PCDHGA1: variants seen among roughly 807,000 people sequenced by gnomAD.
PCDHGA1 encodes protocadherin gamma subfamily A, 1.
Under a neutral mutation model 58.0 loss-of-function variants are expected in PCDHGA1, and 32 were observed. The observed-to-expected ratio is 0.55, with a 90% CI of 0.42 to 0.74. The LOEUF (loss-of-function observed/expected upper bound fraction) is 0.74. PCDHGA1 is among the 30% of genes least tolerant of loss of function. The pLI is 0.00. For synonymous variants in PCDHGA1, 498 were observed against 501.1 expected, an observed-to-expected ratio of 0.99 and a Z score of 0.08; for missense variants, 1,205 against 1,182.3, an observed-to-expected ratio of 1.02 and a Z score of -0.28.
intron 1 of PCDHGA1, among the ~76,000 whole-genome samples, chr5:141,474,062 C>G (rs745636246): frequency 6.6e-6 from 1 of 152,104 alleles, no homozygotes; most frequent in Non-Finnish European, 1.5e-5. Flanking sequence ...AGAGCGAGAT[C>G]CTGCCTCAGA....
intron 2 of PCDHGA1, among the ~76,000 whole-genome samples, chr5:141,497,487 T>TCTCTCTCTC (rs1223198472): frequency 1.3e-5 from 2 of 151,562 alleles, no homozygotes; most frequent in Non-Finnish European, 2.9e-5. Flanking sequence ...GCGGAACCTC[T>TCTCTCTCTC]CTCTCTCTCC....
intron 1 of PCDHGA1, chr5:141,385,631 G>A (rs539938751): frequency 7.4e-6 from 7 of 947,722 alleles, no homozygotes; most frequent in Middle Eastern, 4.4e-4. Flanking sequence ...GGAATGAATC[G>A]AGTCTTTCAT....
Position 141,432,110 on chromosome 5 carries a change from G to A in PCDHGA1, c.2422-62697G>A. On this transcript the variant is annotated intron_variant, in intron 1 of 3. Coordinates refer to ENST00000517417, the MANE Select transcript of PCDHGA1 (RefSeq NM_018912.3). This position sits in a 1 kb window ranked among gnomAD's most constrained non-coding sequence, Gnocchi z 6.0. ...GGCAGACACCAACGACAACCCGCCG[G>A]TCTTCCCTCAGGCCTCCTATTCCGC... 6.2e-7 allele frequency: 1 copy of A among 1,614,108 alleles called. No individual in the cohort carries two copies. Among genetic ancestry groups the A allele is most frequent in the Non-Finnish European group, 8.5e-7 (1 of 1,180,036 alleles).
chr5:141,394,239 G>T (rs530540432), intron 1 of PCDHGA1: 1 of 1,613,750 alleles, frequency 6.2e-7, no homozygotes, highest in Non-Finnish European at 8.5e-7. Flanking sequence ...TTCCTTGACT[G>T]CACACGACCC....
intron 1 of PCDHGA1, chr5:141,399,825 C>T (rs1439243162): frequency 1.9e-6 from 3 of 1,613,178 alleles, no homozygotes; most frequent in Non-Finnish European, 2.5e-6. Flanking sequence ...TGGGTCCCGA[C>T]GGCTCTGCGC....
At chr5:141,376,425 A>G in intron 1 of PCDHGA1, 7 of 1,614,182 alleles carry the variant, frequency 4.3e-6, no homozygotes, top group Non-Finnish European at 4.2e-6. Context: ...ACGCTTATCA[A>G]CCAGGAGAGC....
At chr5:141,471,802 A>G (rs2154571076) in intron 1 of PCDHGA1, among the ~76,000 whole-genome samples, 1 of 152,362 alleles carries the variant, frequency 6.6e-6, no homozygotes, top group African/African-American at 2.4e-5. Context: ...TATAAAAGAC[A>G]TATAAAAGAC....
intron 1 of PCDHGA1, among the ~76,000 whole-genome samples, chr5:141,475,518 T>C (rs963473660): frequency 1.3e-5 from 2 of 152,356 alleles, no homozygotes; most frequent in East Asian, 1.9e-4. Flanking sequence ...TCCACGGAAA[T>C]GCTAAATGCC....
intron 1 of PCDHGA1, among the ~76,000 whole-genome samples, chr5:141,336,608 A>G (rs1483744889): frequency 6.6e-6 from 1 of 152,188 alleles, no homozygotes; most frequent in Non-Finnish European, 1.5e-5. Flanking sequence ...ATTAATTCAA[A>G]ATGGATCAAA....
At chr5:141,343,874 C>G in intron 1 of PCDHGA1, 3 of 605,888 alleles carry the variant, frequency 5.0e-6, no homozygotes, top group Non-Finnish European at 8.4e-6. Flanking sequence ...AAATCAGACT[C>G]AGAAGATCCG....
At position 141,485,930 on chromosome 5, in the gene PCDHGA1, G is replaced by C; in HGVS notation, c.2422-8877G>C. ...ATCCAGCTACAGGATTAGTGTGTTGGAGAGCGCACCAGCGGGCATGGTGCT... is the reference window on the plus strand; with the variant it reads ...ATCCAGCTACAGGATTAGTGTGTTGCAGAGCGCACCAGCGGGCATGGTGCT... On this transcript the variant is annotated intron_variant, in intron 1 of 3. Coordinates refer to ENST00000517417, the MANE Select transcript of PCDHGA1 (RefSeq NM_018912.3). The surrounding 1 kb of genome is among the most constrained non-coding windows in gnomAD (Gnocchi z 5.7). 6.2e-7 allele frequency: 1 copy of C among 1,614,178 alleles called. No homozygotes were observed. The highest frequency in any genetic ancestry group is 8.5e-7 in the Non-Finnish European group (1 of 1,180,042).
chr5:141,369,379 T>G (rs1268907990), intron 1 of PCDHGA1, among the ~76,000 whole-genome samples: 1 of 152,066 alleles, frequency 6.6e-6, no homozygotes, highest in Non-Finnish European at 1.5e-5. Flanking sequence ...TTGTAAAAGT[T>G]TTTCATTTGG....
In PCDHGA1 at chr5:141,389,878, G is replaced by A. The variant is rs1369885786; in HGVS notation, c.2421+56773G>A. On this transcript the variant is annotated intron_variant, in intron 1 of 3. Coordinates refer to ENST00000517417, the MANE Select transcript of PCDHGA1 (RefSeq NM_018912.3). ...ACGTTGCACCTGGTCTTCGCCGACA[G>A]CTTGCAGGAGGTGCTGCCGGATATC... The A allele has an allele frequency of 6.2e-7, 1 of 1,613,972 alleles. No individual in the cohort carries two copies. The highest frequency in any genetic ancestry group is 1.3e-5 in the African/African-American group (1 of 74,952).
Position 141,433,362 on chromosome 5 carries a change from T to G in PCDHGA1, c.2422-61445T>G, listed in dbSNP as rs1285511534. ...GTGCAAGCCACCTACTGTCTGCCTA[T>G]CTATCTATCTATCTATCTATCTATC... On this transcript the variant is annotated intron_variant, in intron 1 of 3. Transcript: ENST00000517417. 4 of 299,814 alleles carry G rather than the reference T, an allele frequency of 1.3e-5. No individual in the cohort carries two copies. In the East Asian group the frequency reaches 1.8e-4, roughly 14 times the overall value. 18.6% of individuals were successfully genotyped at this position (299,814 alleles called of 1,614,324 possible). A position where few individuals can be genotyped will look rare whatever the true frequency, so the allele number is the denominator to read the frequency against.
chr5:141,360,013 A>G (rs1033161220), intron 1 of PCDHGA1: 60 of 1,245,546 alleles, frequency 4.8e-5, no homozygotes, highest in Non-Finnish European at 6.2e-5. Flanking sequence ...CCAACCACAC[A>G]GAGAAGGCCA....
In PCDHGA1 at chr5:141,374,191, C is replaced by T. The variant is rs780279453; in HGVS notation, c.2421+41086C>T. 3.7e-6 allele frequency: 6 copies of T among 1,613,664 alleles called. No individual in the cohort carries two copies. In the East Asian group the frequency reaches 1.1e-4, roughly 30 times the overall value. Reference sequence around the variant, plus strand: ...CAGCGCAGATCCGCTACTCTATTCCCGAGGAGCTGGAGAAAGGCTCCTTCG... The same window carrying T: ...CAGCGCAGATCCGCTACTCTATTCCTGAGGAGCTGGAGAAAGGCTCCTTCG... On this transcript the variant is annotated intron_variant, in intron 1 of 3. Transcript: ENST00000517417.
At chr5:141,374,714 G>A (rs1236113306) in intron 1 of PCDHGA1, 1 of 1,609,850 alleles carries the variant, frequency 6.2e-7, no homozygotes, top group Middle Eastern at 1.7e-4. Flanking sequence ...TTACCGCCTG[G>A]TCCTTACTGC....
At chr5:141,426,586 G>A (rs2096944939) in intron 1 of PCDHGA1, 1 of 363,442 alleles carries the variant, frequency 2.8e-6, no homozygotes, top group African/African-American at 2.1e-5. Flanking sequence ...AAAATCCTCT[G>A]TGTCATACCC....
intron 1 of PCDHGA1, chr5:141,360,512 T>A (rs551303336): frequency 6.2e-7 from 1 of 1,613,978 alleles, no homozygotes. Context: ...GTGCAGGATA[T>A]AAATGATAAT....
Sources: gnomAD v4.1 joint callset for allele counts (sites outside exome capture counted in the v4.1 genomes callset) on GRCh38, gnomAD v4.1.1 for gene constraint, Gnocchi (gnomAD v3.1) non-coding constraint, MANE v1.5 for transcripts, NCBI Gene and HGNC (gene_info 2026-07-23, HGNC 2026-07-21) for gene names.